FLT1: variants seen among roughly 807,000 people sequenced by gnomAD.
The protein encoded by FLT1 is fms related receptor tyrosine kinase 1.
A neutral mutation model predicts 156.3 loss-of-function variants in FLT1; 49 were observed. The ratio of observed to expected loss-of-function variants is 0.31; its 90% CI spans 0.25 to 0.40. FLT1 has a LOEUF of 0.40. Among genes scored for constraint, FLT1 ranks in the 10% least tolerant of loss-of-function variants. FLT1 has a pLI of 1.00. For missense variants in FLT1, 1,322 were observed against 1,637.2 expected, an observed-to-expected ratio of 0.81 and a Z score of 3.32; for synonymous variants, 594 against 583.8, an observed-to-expected ratio of 1.02 and a Z score of -0.25.
At position 28,322,202 on chromosome 13, in the gene FLT1, A is replaced by T. The variant is rs2138830979; in HGVS notation, c.3051+60T>A. ...AGCAAATACTAGGAAAAATGAATTT[A>T]TAGCAAAGGTGTGTGTCCAGCCCTG... On this transcript the variant is annotated intron_variant, in intron 22 of 29. Coordinates refer to ENST00000282397, the MANE Select transcript of FLT1 (RefSeq NM_002019.4). The surrounding 1 kb of genome is among the most constrained non-coding windows in gnomAD (Gnocchi z 4.3). 5 of 1,006,152 alleles carry T rather than the reference A, an allele frequency of 5.0e-6. No homozygotes were observed. The East Asian group carries it at 9.5e-5, about 19-fold the overall frequency. The allele number at this position is 1,006,152 out of a possible 1,614,324, so 62.3% of individuals were successfully genotyped here. A position where few individuals can be genotyped will look rare whatever the true frequency, so the allele number is the denominator to read the frequency against.
chr13:28,477,214 G>A (rs567762986), intron 1 of FLT1, among the ~76,000 whole-genome samples: 88 of 152,262 alleles, frequency 5.8e-4, no homozygotes, highest in African/African-American at 1.6e-3. Context: ...GTTTAACAGG[G>A]CACATTCATT....
Position 28,495,012 on chromosome 13 carries a change from G to A in FLT1, c.-169C>T, listed in dbSNP as rs1350546334. ...TTCCCCGGGTAATCCTCGCCGCCAGGCGCCCGCTGGCCGCTGCACCCGAGC... is the reference window on the plus strand; with the variant it reads ...TTCCCCGGGTAATCCTCGCCGCCAGACGCCCGCTGGCCGCTGCACCCGAGC... On this transcript the variant is annotated 5_prime_UTR_variant, in exon 1 of 30. Transcript: ENST00000282397. The surrounding 1 kb of genome is among the most constrained non-coding windows in gnomAD (Gnocchi z 4.1). 1.2e-5 allele frequency: 6 copies of A among 512,266 alleles called. No individual in the cohort carries two copies. Among genetic ancestry groups the A allele is most frequent in the Non-Finnish European group, 2.0e-5 (6 of 303,144 alleles). 31.7% of individuals were successfully genotyped at this position (512,266 alleles called of 1,614,324 possible).
At chr13:28,494,670 G>C (rs1160306489) in intron 1 of FLT1, 110 bp downstream of exon 1, 3 of 820,008 alleles carry the variant, frequency 3.7e-6, no homozygotes, top group East Asian at 3.0e-5. Flanking sequence ...CAGCTTCTCC[G>C]GGCTACAGCC....
chr13:28,386,815 G>A (rs1442120387), intron 13 of FLT1: 2 of 1,052,096 alleles, frequency 1.9e-6, no homozygotes, highest in Non-Finnish European at 2.3e-6. Context: ...CGCTTTTACA[G>A]TGGCAAGCCA....
chr13:28,458,183 C>T (rs1188298345), intron 3 of FLT1, among the ~76,000 whole-genome samples: 2 of 152,268 alleles, frequency 1.3e-5, no homozygotes, highest in East Asian at 1.9e-4. Context: ...ACTTCAGCCT[C>T]CCAAATACTG....
At chr13:28,351,381 G>A (rs977198141) in intron 15 of FLT1, among the ~76,000 whole-genome samples, 2 of 152,142 alleles carry the variant, frequency 1.3e-5, no homozygotes, top group African/African-American at 4.8e-5. Context: ...AGGTATGAAC[G>A]AGAAGAAAAT....
rs1052464532 is a variant in FLT1, at chr13:28,405,709, A to C, written c.1551+71T>G. The C allele has an allele frequency of 7.7e-6, 7 of 903,698 alleles. No homozygotes were observed. In the African/African-American group the frequency reaches 9.8e-5, roughly 13 times the overall value. The allele number at this position is 903,698 out of a possible 1,614,324, so 56.0% of individuals were successfully genotyped here. Reference sequence around the variant, plus strand: ...CATTTAAATTACTTCTGGTGCCAATAAACCTAGAATTGGGAGCTGAGAGTG... The same window carrying C: ...CATTTAAATTACTTCTGGTGCCAATCAACCTAGAATTGGGAGCTGAGAGTG... On this transcript the variant is annotated intron_variant, in intron 11 of 29. Transcript: ENST00000282397.
At chr13:28,419,598 G>A (rs893874971) in intron 10 of FLT1, among the ~76,000 whole-genome samples, 6 of 152,186 alleles carry the variant, frequency 3.9e-5, no homozygotes, top group East Asian at 1.9e-4. Flanking sequence ...ACCATCCAGC[G>A]GCCGGGTGCG....
chr13:28,368,152 A>G, intron 14 of FLT1: 1 of 574,574 alleles, frequency 1.7e-6, no homozygotes. Flanking sequence ...TTATTTATTT[A>G]TTTATTTATT....
intron 14 of FLT1, among the ~76,000 whole-genome samples, chr13:28,378,999 AAAGG>A (rs1400713301): frequency 6.6e-6 from 1 of 152,182 alleles, no homozygotes; most frequent in Admixed American, 6.5e-5. Context: ...ACATCAGAAA[AAAGG>A]AAGAATCACT....
chr13:28,465,171 T>C (rs1879782353), intron 3 of FLT1, among the ~76,000 whole-genome samples: 1 of 152,216 alleles, frequency 6.6e-6, no homozygotes, highest in Non-Finnish European at 1.5e-5. Context: ...GCACCTTCTC[T>C]ACCCTTCCTC....
chr13:28,325,275 G>T (rs1871629963), intron 20 of FLT1, among the ~76,000 whole-genome samples: 1 of 152,086 alleles, frequency 6.6e-6, no homozygotes, highest in African/African-American at 2.4e-5. Context: ...CAGTACTAAG[G>T]GGAATTTGTA....
At chr13:28,464,278 C>T (rs1440478956) in intron 3 of FLT1, among the ~76,000 whole-genome samples, 1 of 152,194 alleles carries the variant, frequency 6.6e-6, no homozygotes, top group African/African-American at 2.4e-5. Flanking sequence ...TAATGTCCAA[C>T]AAATTATGCA....
At chr13:28,453,256 T>G (rs1186084807) in intron 3 of FLT1, among the ~76,000 whole-genome samples, 1 of 151,662 alleles carries the variant, frequency 6.6e-6, no homozygotes, top group Non-Finnish European at 1.5e-5. Context: ...CCCAAGAAGC[T>G]GGGATTACAG....
intron 1 of FLT1, among the ~76,000 whole-genome samples, chr13:28,483,888 C>CA (rs1880993342): frequency 6.6e-6 from 1 of 152,184 alleles, no homozygotes; most frequent in South Asian, 2.1e-4. Flanking sequence ...TAGATTTAAT[C>CA]ATTCAAGATA....
chr13:28,384,769 G>C, intron 14 of FLT1, 116 bp downstream of exon 14: 1 of 990,048 alleles, frequency 1.0e-6, no homozygotes, highest in Non-Finnish European at 1.6e-6. Flanking sequence ...CCAGTGTTTG[G>C]GGCTCTATCA....
intron 3 of FLT1, among the ~76,000 whole-genome samples, chr13:28,445,236 G>A (rs1878546057): frequency 6.6e-6 from 1 of 152,184 alleles, no homozygotes; most frequent in Non-Finnish European, 1.5e-5. Context: ...CAGCACTTTG[G>A]GAGGCTGAGA....
At chr13:28,459,618 A>C (rs1306405311) in intron 3 of FLT1, among the ~76,000 whole-genome samples, 1 of 152,252 alleles carries the variant, frequency 6.6e-6, no homozygotes, top group African/African-American at 2.4e-5. Flanking sequence ...TAAGAAATCT[A>C]TGCCTAAAAA....
chr13:28,397,556 C>CT (rs953334592), intron 11 of FLT1, among the ~76,000 whole-genome samples: 101 of 146,654 alleles, frequency 6.9e-4, no homozygotes, highest in African/African-American at 9.4e-4. Flanking sequence ...TTGGCTGAAA[C>CT]TTTTTTTTTT....
Sources: allele counts gnomAD v4.1 joint callset (sites outside exome capture counted in the v4.1 genomes callset), GRCh38; gene constraint gnomAD v4.1.1; non-coding constraint Gnocchi (gnomAD v3.1); transcripts MANE v1.5; gene names NCBI Gene and HGNC (gene_info 2026-07-23, HGNC 2026-07-21).